Variants in CDH6 observed in about 807,000 individuals in gnomAD.
CDH6 encodes the protein cadherin 6, also known as cadherin-6.
A neutral mutation model predicts 78.0 loss-of-function variants in CDH6; 31 were observed. The observed-to-expected ratio is 0.40, with a 90% CI of 0.30 to 0.54. CDH6 has a LOEUF of 0.54. CDH6 is among the 20% of genes least tolerant of loss of function. The pLI, the probability that CDH6 is intolerant of heterozygous loss-of-function variation, is 0.56. For missense variants in CDH6, 724 were observed against 975.9 expected, an observed-to-expected ratio of 0.74 and a Z score of 3.44; for synonymous variants, 376 against 368.8, an observed-to-expected ratio of 1.02 and a Z score of -0.23.
chr5:31,207,097 G>A (rs1740549110), intron 1 of CDH6, among the ~76,000 whole-genome samples: 1 of 152,060 alleles, frequency 6.6e-6, no homozygotes, highest in Admixed American at 6.6e-5. Context: ...TGAGGTGATA[G>A]GATTTCAATT....
chr5:31,327,811 G>A lies in CDH6; in HGVS notation c.*4503G>A, dbSNP rs1341399532. ...ATCAGACCCCGACCATATTTAATGT[G>A]GAGAGCAATACCCTCTTAGAAAGAA... is the stretch of plus-strand genomic sequence containing the variant. On this transcript the variant is annotated 3_prime_UTR_variant, in exon 12 of 12. Transcript: ENST00000265071. 4.7e-6 allele frequency: 1 copy of A among 213,004 alleles called. No individual in the cohort carries two copies. Among genetic ancestry groups the A allele is most frequent in the African/African-American group, 2.3e-5 (1 of 44,282 alleles). The allele number at this position is 213,004 out of a possible 1,614,324, so 13.2% of individuals were successfully genotyped here. A position where few individuals can be genotyped will look rare whatever the true frequency, so the allele number is the denominator to read the frequency against.
chr5:31,215,539 A>G (rs1026060037), intron 1 of CDH6, among the ~76,000 whole-genome samples: 2 of 152,172 alleles, frequency 1.3e-5, no homozygotes, highest in African/African-American at 4.8e-5. Context: ...CAGACTCATT[A>G]TTTATTCCAA....
chr5:31,277,909 G>T (rs1191594835), intron 2 of CDH6, among the ~76,000 whole-genome samples: 2 of 152,096 alleles, frequency 1.3e-5, no homozygotes, highest in African/African-American at 2.4e-5. Flanking sequence ...TATACTTAGG[G>T]AGTACAATAT....
intron 1 of CDH6, among the ~76,000 whole-genome samples, chr5:31,197,873 A>T (rs916130345): frequency 6.6e-6 from 1 of 152,126 alleles, no homozygotes; most frequent in South Asian, 2.1e-4. Context: ...TTTTCCAAAG[A>T]TTAACTGGTC....
At chr5:31,264,938 C>T (rs1742301180) in intron 1 of CDH6, among the ~76,000 whole-genome samples, 1 of 152,172 alleles carries the variant, frequency 6.6e-6, no homozygotes, top group Admixed American at 6.5e-5. Context: ...TTGCACACAA[C>T]ACCCACAGGG....
chr5:31,235,140 A>G (rs1741416568), intron 1 of CDH6, among the ~76,000 whole-genome samples: 1 of 152,016 alleles, frequency 6.6e-6, no homozygotes, highest in African/African-American at 2.4e-5. Flanking sequence ...TGAATCACCC[A>G]TTCAATCCTA....
At chr5:31,315,683 C>CA (rs1738300346) in intron 8 of CDH6, among the ~76,000 whole-genome samples, 1 of 152,232 alleles carries the variant, frequency 6.6e-6, no homozygotes, top group Non-Finnish European at 1.5e-5. Context: ...CTCCATGTCT[C>CA]AGTTTCCTCA....
At chr5:31,208,159 A>C (rs969052738) in intron 1 of CDH6, among the ~76,000 whole-genome samples, 2 of 152,164 alleles carry the variant, frequency 1.3e-5, no homozygotes, top group Non-Finnish European at 2.9e-5. Flanking sequence ...CTGCTGCTTG[A>C]TATAATGGAG....
chr5:31,245,871 C>G (rs1741730917), intron 1 of CDH6, among the ~76,000 whole-genome samples: 1 of 138,960 alleles, frequency 7.2e-6, no homozygotes, highest in African/African-American at 2.6e-5. Context: ...CTAAAGCCAT[C>G]TTAACATTTT....
chr5:31,315,028 C>T (rs777988974), intron 8 of CDH6, among the ~76,000 whole-genome samples: 4 of 152,106 alleles, frequency 2.6e-5, no homozygotes, highest in Non-Finnish European at 5.9e-5. Context: ...TCCCACTCAC[C>T]TCGGGGCCTT....
chr5:31,272,433 A>C (rs1340500260), intron 2 of CDH6, among the ~76,000 whole-genome samples: 1 of 152,226 alleles, frequency 6.6e-6, no homozygotes, highest in African/African-American at 2.4e-5. Flanking sequence ...CCACATTTTC[A>C]GAGATCCCTG....
intron 1 of CDH6, among the ~76,000 whole-genome samples, chr5:31,214,078 G>A (rs536883083): frequency 6.7e-6 from 1 of 149,944 alleles, no homozygotes; most frequent in South Asian, 2.1e-4. Context: ...TGTTGAAACG[G>A]CAATGATTTA....
intron 9 of CDH6, among the ~76,000 whole-genome samples, chr5:31,316,544 A>G (rs1738328443): frequency 6.6e-6 from 1 of 152,212 alleles, no homozygotes. Context: ...CTGATTCCAA[A>G]TCGATCTTAA....
intron 9 of CDH6, among the ~76,000 whole-genome samples, chr5:31,317,093 C>T (rs1204837795): frequency 1.3e-5 from 2 of 152,074 alleles, no homozygotes; most frequent in Admixed American, 6.5e-5. Flanking sequence ...GTTTGATTGT[C>T]ACACTAGAAG....
At chr5:31,244,520 A>C (rs562752176) in intron 1 of CDH6, among the ~76,000 whole-genome samples, 1 of 152,098 alleles carries the variant, frequency 6.6e-6, no homozygotes, top group African/African-American at 2.4e-5. Context: ...CTCATGCTGG[A>C]GAGAGGGAAA....
intron 1 of CDH6, among the ~76,000 whole-genome samples, chr5:31,246,339 G>A (rs1412302282): frequency 6.6e-6 from 1 of 152,116 alleles, no homozygotes; most frequent in Non-Finnish European, 1.5e-5. Context: ...CCACTCCATT[G>A]CACCCTATTG....
At chr5:31,314,277 C>A (rs1356498687) in intron 8 of CDH6, among the ~76,000 whole-genome samples, 1 of 150,788 alleles carries the variant, frequency 6.6e-6, no homozygotes, top group Non-Finnish European at 1.5e-5. Context: ...TTAGGTATAT[C>A]TCCTAATGCT....
At chr5:31,239,066 A>G (rs1299342910) in intron 1 of CDH6, among the ~76,000 whole-genome samples, 1 of 152,210 alleles carries the variant, frequency 6.6e-6, no homozygotes, top group African/African-American at 2.4e-5. Context: ...ATCTATTTCA[A>G]TGTATCGTGG....
rs1255355107 is a variant in CDH6 at position 31,327,288 on chromosome 5, T to C, written c.*3980T>C. 1 of 189,652 alleles carries C rather than the reference T, an allele frequency of 5.3e-6. No homozygotes were observed. The highest frequency in any genetic ancestry group is 1.1e-5 in the Non-Finnish European group (1 of 90,278). The allele number at this position is 189,652 out of a possible 1,614,324, so 11.7% of individuals were successfully genotyped here. A position where few individuals can be genotyped will look rare whatever the true frequency, so the allele number is the denominator to read the frequency against. On this transcript the variant is annotated 3_prime_UTR_variant, in exon 12 of 12. Coordinates refer to ENST00000265071, the MANE Select transcript of CDH6 (RefSeq NM_004932.4). ...AAATATTCAAATCAGGTACTCATCC[T>C]TATCAGCTAAATTCATTTTCACCAG...
Sources: gnomAD v4.1 joint callset for allele counts (sites outside exome capture counted in the v4.1 genomes callset) on GRCh38, gnomAD v4.1.1 for gene constraint, MANE v1.5 for transcripts, NCBI Gene and HGNC (gene_info 2026-07-23, HGNC 2026-07-21) for gene names.